The following RAB3GAP2 variants were observed in gnomAD, a reference collection of about 807,000 sequenced individuals.
The protein encoded by RAB3GAP2 is RAB3 GTPase activating non-catalytic protein subunit 2, also known as rab3 GTPase-activating protein non-catalytic subunit.
A neutral mutation model predicts 185.3 loss-of-function variants in RAB3GAP2; 87 were observed. The ratio of observed to expected loss-of-function variants is 0.47; its 90% CI spans 0.39 to 0.56. The LOEUF (loss-of-function observed/expected upper bound fraction) is 0.56. Among genes scored for constraint, RAB3GAP2 ranks in the 20% least tolerant of loss-of-function variants. The probability of loss-of-function intolerance (pLI) is 0.00; values close to 1 mark genes in which losing one functional copy is unlikely to be tolerated. For missense variants in RAB3GAP2, 1,492 were observed against 1,638.2 expected (o/e 0.91, Z 1.54); for synonymous variants, 554 against 576.1 (o/e 0.96, Z 0.55).
At position 220,151,030 on chromosome 1, in the gene RAB3GAP2, CAG is replaced by C. The variant is rs1657742549; in HGVS notation, c.*219_*220del. ...AGTAAAACATCTGTATTAATTATAA[CAG>C]AGTTGACATTTGTTTATATTTTATC... On this transcript the variant is annotated 3_prime_UTR_variant, in exon 35 of 35. Transcript: ENST00000358951. The C allele has an allele frequency of 1.9e-6, 1 of 517,194 alleles. No individual in the cohort carries two copies. The highest frequency in any genetic ancestry group is 3.4e-6 in the Non-Finnish European group (1 of 295,656). The allele number at this position is 517,194 out of a possible 1,614,324, so 32.0% of individuals were successfully genotyped here.
chr1:220,272,090 G>A, intron 1 of RAB3GAP2, 133 bp downstream of exon 1: 1 of 776,746 alleles, frequency 1.3e-6, no homozygotes. Flanking sequence ...TCCCGGAGCG[G>A]AGGGGAGGCA....
At chr1:220,152,705 T>A (rs1315183443) in intron 33 of RAB3GAP2, among the ~76,000 whole-genome samples, 1 of 152,174 alleles carries the variant, frequency 6.6e-6, no homozygotes, top group Non-Finnish European at 1.5e-5. Context: ...GTTTCTTTCT[T>A]TTTCAATTTA....
chr1:220,213,886 C>T lies in RAB3GAP2; in HGVS notation c.274G>A (p.Ala92Thr), dbSNP rs1203934706. ...LSPTNDLMVI[A>T]REQKAVFLVP... The stretch of plus-strand genomic sequence containing the variant: ...AGAAATACAGCTTTTTGCTCTCGAG[C>T]TATCACCATAAGATCATTGGTTGGA... Residue 92 changes from alanine (A) to threonine (T), a missense_variant, in exon 3 of 35, where the codon GCT (alanine) becomes ACT (threonine). Ala to Thr is a moderately conservative substitution (Grantham distance 58, BLOSUM62 0). This residue lies in a region of RAB3GAP2 where 177 missense variants were observed against 160.6 expected (regional missense o/e 1.10). Coordinates refer to ENST00000358951, the MANE Select transcript of RAB3GAP2 (RefSeq NM_012414.4). The T allele has an allele frequency of 1.9e-6, 3 of 1,613,388 alleles. No homozygotes were observed. In the African/African-American group the frequency reaches 4.0e-5, roughly 22 times the overall value.
rs535884326 is a variant in RAB3GAP2 at position 220,159,267 on chromosome 1, T to A, written c.3261+119A>T. On this transcript the variant is annotated intron_variant, in intron 29 of 34. Transcript: ENST00000358951. ...CAGTATTCTCTTTTCATTTTTCTTATCTCCTTCTGATACGTCATCACAATG... is the reference window on the plus strand; with the variant it reads ...CAGTATTCTCTTTTCATTTTTCTTAACTCCTTCTGATACGTCATCACAATG... 5 of 833,488 alleles carry A rather than the reference T, an allele frequency of 6.0e-6. No individual in the cohort carries two copies. The African/African-American group carries it at 8.5e-5, about 14-fold the overall frequency. 51.6% of individuals were successfully genotyped at this position (833,488 alleles called of 1,614,324 possible). A position where few individuals can be genotyped will look rare whatever the true frequency, so the allele number is the denominator to read the frequency against.
At chr1:220,188,888 G>T (rs1571890101) in intron 17 of RAB3GAP2, among the ~76,000 whole-genome samples, 1 of 152,078 alleles carries the variant, frequency 6.6e-6, no homozygotes, top group African/African-American at 2.4e-5. Flanking sequence ...ACACCAATAT[G>T]AATGACACAG....
intron 17 of RAB3GAP2, among the ~76,000 whole-genome samples, chr1:220,188,577 G>A (rs548586403): frequency 2.6e-4 from 40 of 152,242 alleles, no homozygotes; most frequent in African/African-American, 9.6e-4. Flanking sequence ...GGAGTAACAG[G>A]GACTCATACA....
chr1:220,170,414 A>G (rs1658152384), intron 24 of RAB3GAP2, among the ~76,000 whole-genome samples: 1 of 152,210 alleles, frequency 6.6e-6, no homozygotes, highest in African/African-American at 2.4e-5. Context: ...CTTAAAGTAT[A>G]ATAATAAAAA....
chr1:220,183,893 G>T, intron 19 of RAB3GAP2, 143 bp downstream of exon 19: 1 of 612,122 alleles, frequency 1.6e-6, no homozygotes, highest in Non-Finnish European at 2.7e-6. Flanking sequence ...AGCACAGAGA[G>T]CTAGCAGGGG....
intron 18 of RAB3GAP2, among the ~76,000 whole-genome samples, chr1:220,184,579 A>G (rs1658474718): frequency 6.6e-6 from 1 of 152,156 alleles, no homozygotes; most frequent in Non-Finnish European, 1.5e-5. Flanking sequence ...TATTTGAAAT[A>G]CAGTATCATG....
intron 13 of RAB3GAP2, 94 bp downstream of exon 13, chr1:220,193,146 G>A (rs1211119802): frequency 6.8e-7 from 1 of 1,463,364 alleles, no homozygotes; most frequent in African/African-American, 1.4e-5. Flanking sequence ...GAATTAAACA[G>A]AGTTATCATC....
intron 17 of RAB3GAP2, among the ~76,000 whole-genome samples, chr1:220,187,302 T>C (rs2102867619): frequency 6.6e-6 from 1 of 152,312 alleles, no homozygotes; most frequent in African/African-American, 2.4e-5. Flanking sequence ...TCTTAATCCC[T>C]TTGTAGACAG....
At chr1:220,183,708 A>C (rs1189652368) in intron 19 of RAB3GAP2, among the ~76,000 whole-genome samples, 2 of 152,212 alleles carry the variant, frequency 1.3e-5, no homozygotes, top group Non-Finnish European at 2.9e-5. Flanking sequence ...AAAACATAGA[A>C]AAATATTCTC....
At chr1:220,163,973 A>T in intron 27 of RAB3GAP2, among the ~76,000 whole-genome samples, 1 of 151,998 alleles carries the variant, frequency 6.6e-6, no homozygotes, top group East Asian at 1.9e-4. Context: ...ACCAAGTCTC[A>T]TCATTTACTA....
intron 2 of RAB3GAP2, among the ~76,000 whole-genome samples, chr1:220,232,156 T>C (rs886637338): frequency 1.5e-4 from 23 of 152,274 alleles, no homozygotes; most frequent in African/African-American, 5.3e-4. Context: ...TGAAAGAATA[T>C]AAAAGAATAA....
chr1:220,231,972 A>G (rs1659509353), intron 2 of RAB3GAP2, among the ~76,000 whole-genome samples: 1 of 152,222 alleles, frequency 6.6e-6, no homozygotes, highest in Non-Finnish European at 1.5e-5. Flanking sequence ...CTTCTATGTA[A>G]GCGAATAAAT....
intron 12 of RAB3GAP2, among the ~76,000 whole-genome samples, chr1:220,194,292 C>T (rs1658682756): frequency 1.3e-5 from 2 of 150,250 alleles, no homozygotes. Flanking sequence ...CCAAAAAAAA[C>T]TCACCAATAT....
intron 1 of RAB3GAP2, among the ~76,000 whole-genome samples, chr1:220,251,459 T>C (rs908300858): frequency 6.6e-6 from 1 of 152,196 alleles, no homozygotes; most frequent in African/African-American, 2.4e-5. Context: ...AAAGATACAA[T>C]TAAAAAGTCA....
chr1:220,201,398 T>A (rs1431369494), intron 9 of RAB3GAP2, among the ~76,000 whole-genome samples: 1 of 152,200 alleles, frequency 6.6e-6, no homozygotes, highest in Non-Finnish European at 1.5e-5. Context: ...ACCAAATTTG[T>A]CTGTAGAAAA....
At chr1:220,254,992 A>G (rs796542384) in intron 1 of RAB3GAP2, among the ~76,000 whole-genome samples, 2 of 150,532 alleles carry the variant, frequency 1.3e-5, no homozygotes, top group African/African-American at 2.4e-5. Flanking sequence ...TAAAGAGCCC[A>G]TCCTTTGCAA....
Sources: gnomAD v4.1 joint callset for allele counts (sites outside exome capture counted in the v4.1 genomes callset) on GRCh38, gnomAD v4.1.1 for gene constraint, gnomAD v4.1.1 regional missense constraint, MANE v1.5 for transcripts, NCBI Gene and HGNC (gene_info 2026-07-23, HGNC 2026-07-21) for gene names.